Variants in PREX2 observed in about 807,000 individuals in gnomAD.
PREX2 encodes phosphatidylinositol-3,4,5-trisphosphate dependent Rac exchange factor 2.
In PREX2, 107 loss-of-function variants were observed where a neutral mutation model predicts 203.2. The observed-to-expected ratio is 0.53, with a 90% CI of 0.45 to 0.62. PREX2 has a LOEUF of 0.62. Among genes scored for constraint, PREX2 ranks in the 20% least tolerant of loss-of-function variants. The pLI is 0.00. For missense variants in PREX2, 1,777 were observed against 1,955.9 expected, an observed-to-expected ratio of 0.91 and a Z score of 1.72; for synonymous variants, 672 against 663.6, an observed-to-expected ratio of 1.01 and a Z score of -0.19.
chr8:67,956,255 C>A (rs1287422986), intron 1 of PREX2, among the ~76,000 whole-genome samples: 6 of 152,344 alleles, frequency 3.9e-5, no homozygotes, highest in African/African-American at 1.4e-4. Context: ...CAACCTGTTT[C>A]CTGTTTGCAA....
intron 1 of PREX2, among the ~76,000 whole-genome samples, chr8:67,986,966 C>A (rs1306074168): frequency 6.6e-6 from 1 of 151,662 alleles, no homozygotes; most frequent in Non-Finnish European, 1.5e-5. Flanking sequence ...GAGATGGAGA[C>A]CATGGTGAAA....
At chr8:68,019,910 G>C (rs1252186094) in intron 3 of PREX2, among the ~76,000 whole-genome samples, 5 of 152,082 alleles carry the variant, frequency 3.3e-5, no homozygotes, top group Non-Finnish European at 7.4e-5. Flanking sequence ...TTAGTTCTTC[G>C]CATCCTCTGT....
chr8:68,229,196 C>A (rs1003269608), intron 39 of PREX2, among the ~76,000 whole-genome samples: 3 of 151,968 alleles, frequency 2.0e-5, no homozygotes, highest in Admixed American at 6.6e-5. Context: ...AAGTTCTGCT[C>A]TTGGCAGATT....
chr8:68,104,003 C>G (rs1240682537), intron 23 of PREX2, among the ~76,000 whole-genome samples: 1 of 152,214 alleles, frequency 6.6e-6, no homozygotes. Context: ...AGCTCTTGAT[C>G]CTTCCCCTGC....
intron 25 of PREX2, among the ~76,000 whole-genome samples, chr8:68,114,561 T>C (rs1810603852): frequency 6.6e-6 from 1 of 152,196 alleles, no homozygotes. Flanking sequence ...AACAGAAACA[T>C]GCCACAGCCA....
intron 14 of PREX2, among the ~76,000 whole-genome samples, chr8:68,075,113 T>C (rs189836187): frequency 3.0e-4 from 46 of 152,322 alleles, no homozygotes; most frequent in African/African-American, 1.0e-3. Flanking sequence ...ATGCCTTGCT[T>C]CTTCACATCC....
In PREX2 at chr8:68,144,626, C is replaced by A. The variant is rs114500206; in HGVS notation, c.4088-1583C>A. On this transcript the variant is annotated intron_variant, in intron 33 of 39. Coordinates refer to ENST00000288368, the MANE Select transcript of PREX2 (RefSeq NM_024870.4). ...TTTCCCAATCATTATAGTTTCTTTT[C>A]TCTTGTCTTGTTTTATTGCAATAGC... 3.2e-3 allele frequency among the ~76,000 whole-genome samples: 484 copies of A among 151,850 alleles called. 4 individuals are homozygous for A. The highest frequency in any genetic ancestry group is 0.011 in the African/African-American group (474 of 41,432).
Position 68,055,905 on chromosome 8 carries a change from G to T in PREX2, c.1169G>T (p.Cys390Phe), listed in dbSNP as rs923750543. 1 of 1,612,792 alleles carries T rather than the reference G, an allele frequency of 6.2e-7. No homozygotes were observed. Among genetic ancestry groups the T allele is most frequent in the Non-Finnish European group, 8.5e-7 (1 of 1,178,996 alleles). The change falls in exon 10 of 40, where the codon TGC (cysteine) becomes TTC (phenylalanine). Residue 390 changes from cysteine to phenylalanine, a missense_variant. Cys to Phe is a radical substitution (Grantham distance 205). Coordinates refer to ENST00000288368, the MANE Select transcript of PREX2 (RefSeq NM_024870.4). ...EQGEKLYKMM[C>F]RQGNLIKDRK... ...GGTGAGAAACTTTATAAAATGATGT[G>T]CAGACAAGGAAATCTGATCAAAGAC... is the stretch of plus-strand genomic sequence containing the variant.
intron 1 of PREX2, among the ~76,000 whole-genome samples, chr8:67,972,098 G>A (rs925524231): frequency 5.3e-5 from 8 of 152,112 alleles, no homozygotes; most frequent in African/African-American, 1.9e-4. Flanking sequence ...TGTCCTTAAT[G>A]GTTTTGTTTT....
At position 68,192,429 on chromosome 8, in the gene PREX2, G is replaced by T. The variant is rs776158607; in HGVS notation, c.4508G>T (p.Cys1503Phe). The change falls in exon 37 of 40, where the codon TGC becomes TTC. Residue 1503 changes from cysteine to phenylalanine, a missense_variant. Transcript: ENST00000288368. The part of the protein sequence containing the change: ...KRTAACANTA[C>F]SASGVGLLSV... ...ACAGCTGCCTGTGCAAACACAGCTT[G>T]CAGTGCTTCTGGGGTTGGACTGCTG... is the stretch of plus-strand genomic sequence containing the variant. 3.1e-6 allele frequency: 5 copies of T among 1,614,102 alleles called. No individual in the cohort carries two copies. Among genetic ancestry groups the T allele is most frequent in the African/African-American group, 1.3e-5 (1 of 75,074 alleles).
At chr8:68,131,897 G>C (rs561305168) in intron 31 of PREX2, among the ~76,000 whole-genome samples, 2 of 152,238 alleles carry the variant, frequency 1.3e-5, no homozygotes, top group East Asian at 3.9e-4. Flanking sequence ...ATGGGTGGGA[G>C]TATTTCTGCC....
intron 1 of PREX2, among the ~76,000 whole-genome samples, chr8:67,991,276 A>C (rs935562210): frequency 6.6e-6 from 1 of 152,198 alleles, no homozygotes; most frequent in Admixed American, 6.5e-5. Context: ...CAGACTCCAG[A>C]GTTCATATGC....
At chr8:67,957,171 C>G (rs966077915) in intron 1 of PREX2, among the ~76,000 whole-genome samples, 4 of 152,182 alleles carry the variant, frequency 2.6e-5, no homozygotes, top group Non-Finnish European at 5.9e-5. Context: ...TCTACCCTTT[C>G]TGTATGTCCC....
intron 8 of PREX2, among the ~76,000 whole-genome samples, chr8:68,052,158 G>T (rs1808542930): frequency 6.6e-6 from 1 of 152,128 alleles, no homozygotes; most frequent in African/African-American, 2.4e-5. Flanking sequence ...CTTTCTTGTG[G>T]CTTACCTCCT....
chr8:68,005,872 CAT>C (rs1422250522), intron 1 of PREX2, among the ~76,000 whole-genome samples: 2 of 92,690 alleles, frequency 2.2e-5, no homozygotes, highest in African/African-American at 7.9e-5. Flanking sequence ...CAGAGCCTGT[CAT>C]AGAGTGGGTT....
chr8:68,031,124 T>C (rs1807871222), intron 6 of PREX2, among the ~76,000 whole-genome samples: 1 of 152,190 alleles, frequency 6.6e-6, no homozygotes, highest in Non-Finnish European at 1.5e-5. Context: ...ATCTTATTTT[T>C]AAGGTTTATT....
chr8:68,144,338 C>T (rs1191471899), intron 33 of PREX2, among the ~76,000 whole-genome samples: 1 of 152,078 alleles, frequency 6.6e-6, no homozygotes, highest in African/African-American at 2.4e-5. Flanking sequence ...AATGTCTTTC[C>T]ATTTACTGAG....
chr8:68,022,465 G>A (rs1278517870), intron 4 of PREX2, among the ~76,000 whole-genome samples: 1 of 152,126 alleles, frequency 6.6e-6, no homozygotes, highest in Admixed American at 6.6e-5. Flanking sequence ...TCTGCTGACA[G>A]AGCTGTAAGT....
At chr8:68,228,944 TAAAAAAAAAAAAA>T (rs58993264) in intron 39 of PREX2, among the ~76,000 whole-genome samples, 1 of 103,538 alleles carries the variant, frequency 9.7e-6, no homozygotes, top group Non-Finnish European at 1.8e-5. Context: ...CTTGTCTCTT[TAAAAAAAAAAAAA>T]AAAAAAAAAA....
Sources: allele counts gnomAD v4.1 joint callset (sites outside exome capture counted in the v4.1 genomes callset), GRCh38; gene constraint gnomAD v4.1.1; transcripts MANE v1.5; gene names NCBI Gene and HGNC (gene_info 2026-07-23, HGNC 2026-07-21).